The following MAGED1 variants were observed in gnomAD, a reference collection of about 807,000 sequenced individuals.
MAGED1 encodes melanoma-associated antigen D1.
MAGED1 carries 3 observed loss-of-function variants against 54.1 expected under a neutral mutation model. That is an observed-to-expected ratio of 0.06 (90% CI 0.03 to 0.14). The LOEUF (loss-of-function observed/expected upper bound fraction) is 0.14, where lower values mean the gene tolerates loss of function less well. MAGED1 is among the 10% of genes least tolerant of loss of function. The pLI is 1.00. For missense variants in MAGED1, 485 were observed against 623.4 expected, an observed-to-expected ratio of 0.78 and a Z score of 2.36; for synonymous variants, 217 against 227.3, an observed-to-expected ratio of 0.95 and a Z score of 0.41.
At chrX:51,870,461 G>A (rs1319483072) in intron 1 of MAGED1, among the ~76,000 whole-genome samples, 1 of 111,640 alleles carries the variant, frequency 9.0e-6, no homozygotes, top group African/African-American at 3.3e-5. Context: ...TGTCATGCAG[G>A]ATTCCAGAAT....
intron 1 of MAGED1, among the ~76,000 whole-genome samples, chrX:51,865,757 C>T (rs1174810054): frequency 9.0e-6 from 1 of 111,715 alleles, no homozygotes; most frequent in African/African-American, 3.3e-5. Context: ...GTGTCCCCAC[C>T]TAAATCTCAT....
chrX:51,841,419 T>C (rs1926477251), intron 1 of MAGED1, among the ~76,000 whole-genome samples: 1 of 110,860 alleles, frequency 9.0e-6, no homozygotes, highest in Non-Finnish European at 1.9e-5. Flanking sequence ...TCTTTTGCTG[T>C]GCAGAAGCTC....
At chrX:51,898,231 C>T in intron 8 of MAGED1, 38 bp downstream of exon 8, 2 of 1,207,553 alleles carry the variant, frequency 1.7e-6, no homozygotes, top group Non-Finnish European at 2.2e-6. Context: ...TTGGCCACAG[C>T]CTGATTTCCA....
At chrX:51,861,571 G>A (rs1557360676) in intron 1 of MAGED1, among the ~76,000 whole-genome samples, 1 of 111,878 alleles carries the variant, frequency 8.9e-6, no homozygotes, top group East Asian at 2.8e-4. Flanking sequence ...TTATACTATT[G>A]TGATTGTGCA....
At chrX:51,871,085 A>G (rs1927652199) in intron 1 of MAGED1, among the ~76,000 whole-genome samples, 1 of 112,212 alleles carries the variant, frequency 8.9e-6, no homozygotes, top group Non-Finnish European at 1.9e-5. Flanking sequence ...CAGACTGCAT[A>G]AGACTCTGCC....
intron 1 of MAGED1, among the ~76,000 whole-genome samples, chrX:51,817,062 C>T (rs962704423): frequency 1.8e-5 from 2 of 111,965 alleles, no homozygotes; most frequent in African/African-American, 6.5e-5. Context: ...GAATTCCTCA[C>T]ATTTGTACCA....
At chrX:51,817,681 C>T (rs1280601445) in intron 1 of MAGED1, among the ~76,000 whole-genome samples, 1 of 112,059 alleles carries the variant, frequency 8.9e-6, no homozygotes, top group African/African-American at 3.2e-5. Flanking sequence ...TGATGACATC[C>T]TTCCCTGAGG....
upstream of MAGED1, among the ~76,000 whole-genome samples, chrX:51,893,329 A>AG (rs374053609): frequency 4.2e-4 from 16 of 38,548 alleles, no homozygotes; most frequent in African/African-American, 1.7e-3. Context: ...CGGAAAAGGT[A>AG]GGGGGCCGGT....
At chrX:51,874,247 A>G (rs782800676) in intron 1 of MAGED1, among the ~76,000 whole-genome samples, 5 of 111,273 alleles carry the variant, frequency 4.5e-5, no homozygotes, top group Admixed American at 9.6e-5. Flanking sequence ...CGCAGACTCA[A>G]ATATTTGTGA....
intron 11 of MAGED1, among the ~76,000 whole-genome samples, chrX:51,900,647 C>T (rs1406340049): frequency 3.6e-5 from 4 of 110,616 alleles, no homozygotes; most frequent in Non-Finnish European, 5.7e-5. Context: ...TGTTTTCTCC[C>T]GAGATGGAGT....
At chrX:51,824,704 C>CTGTGTGTGTG (rs149180361) in intron 1 of MAGED1, among the ~76,000 whole-genome samples, 5 of 90,421 alleles carry the variant, frequency 5.5e-5, no homozygotes, top group South Asian at 1.2e-3. Flanking sequence ...TATATTGTCT[C>CTGTGTGTGTG]TGTGTGTGTG....
intron 1 of MAGED1, among the ~76,000 whole-genome samples, chrX:51,814,021 A>C (rs1399923152): frequency 4.5e-5 from 5 of 111,442 alleles, no homozygotes; most frequent in Non-Finnish European, 9.4e-5. Flanking sequence ...GCTGTGACTG[A>C]TGCTAGGCTC....
chrX:51,881,425 T>TC (rs1928050962), intron 1 of MAGED1, among the ~76,000 whole-genome samples: 2 of 109,466 alleles, frequency 1.8e-5, no homozygotes, highest in Admixed American at 1.9e-4. Context: ...TCTTTTCTTT[T>TC]TTTTTTTGAG....
intron 1 of MAGED1, among the ~76,000 whole-genome samples, chrX:51,871,092 TGCC>T (rs1427491824): frequency 8.9e-6 from 1 of 112,092 alleles, no homozygotes; most frequent in Non-Finnish European, 1.9e-5. Context: ...CATAAGACTC[TGCC>T]TCTGCAGATG....
intron 1 of MAGED1, among the ~76,000 whole-genome samples, chrX:51,836,866 G>A (rs1926273620): frequency 9.0e-6 from 1 of 111,453 alleles, no homozygotes; most frequent in Non-Finnish European, 1.9e-5. Flanking sequence ...GAGCCACCGC[G>A]CCTGGCAATG....
intron 5 of MAGED1, 112 bp downstream of exon 5, chrX:51,897,383 A>T (rs1456023292): frequency 4.9e-6 from 4 of 823,575 alleles, no homozygotes; most frequent in Non-Finnish European, 7.1e-6. Context: ...CTCTGTCGGC[A>T]TTCTTCTGCT....
intron 1 of MAGED1, among the ~76,000 whole-genome samples, chrX:51,837,647 A>G (rs950688990): frequency 2.7e-5 from 3 of 112,512 alleles, no homozygotes; most frequent in Non-Finnish European, 5.6e-5. Flanking sequence ...ATTATATGCC[A>G]TCTTTCAAAG....
intron 1 of MAGED1, among the ~76,000 whole-genome samples, chrX:51,808,134 T>C (rs938308416): frequency 7.1e-5 from 8 of 112,531 alleles, no homozygotes; most frequent in African/African-American, 2.6e-4. Flanking sequence ...TTTTCAAATT[T>C]ATTTTCCTCA....
At chrX:51,851,879 TG>T (rs1557359786) in intron 1 of MAGED1, among the ~76,000 whole-genome samples, 1 of 111,857 alleles carries the variant, frequency 8.9e-6, no homozygotes, top group Non-Finnish European at 1.9e-5. Context: ...CTGCAGAAAG[TG>T]AAACCACAGA....
Sources: allele counts gnomAD v4.1 joint callset (sites outside exome capture counted in the v4.1 genomes callset), GRCh38; gene constraint gnomAD v4.1.1; transcripts MANE v1.5; gene names NCBI Gene and HGNC (gene_info 2026-07-23, HGNC 2026-07-21).